ATRNL1: variants seen among roughly 807,000 people sequenced by gnomAD.
ATRNL1 encodes attractin like 1.
ATRNL1 carries 95 observed loss-of-function variants against 182.7 expected under a neutral mutation model. The observed-to-expected ratio is 0.52, with a 90% CI of 0.44 to 0.62. The LOEUF (loss-of-function observed/expected upper bound fraction) is 0.62. Ranked by LOEUF, ATRNL1 falls within the 20% of genes least tolerant of loss-of-function variation. The probability of loss-of-function intolerance (pLI) is 0.00; values close to 1 mark genes in which losing one functional copy is unlikely to be tolerated. For missense variants in ATRNL1, 1,471 were observed against 1,679.5 expected (o/e 0.88, Z 2.17); for synonymous variants, 576 against 568.3 (o/e 1.01, Z -0.19).
At chr10:115,285,678 T>C (rs1852575900) in intron 14 of ATRNL1, among the ~76,000 whole-genome samples, 1 of 152,054 alleles carries the variant, frequency 6.6e-6, no homozygotes, top group African/African-American at 2.4e-5. Flanking sequence ...AGATCATAGC[T>C]ACTTTACTAA....
chr10:115,374,854 C>A (rs563927358), intron 19 of ATRNL1, among the ~76,000 whole-genome samples: 1 of 151,976 alleles, frequency 6.6e-6, no homozygotes, highest in South Asian at 2.1e-4. Flanking sequence ...TGATTTCAGT[C>A]TTCTTGAATT....
intron 25 of ATRNL1, among the ~76,000 whole-genome samples, chr10:115,527,136 C>G (rs1216055476): frequency 6.7e-6 from 1 of 150,018 alleles, no homozygotes; most frequent in Non-Finnish European, 1.5e-5. Context: ...TTTTTCCCCC[C>G]CGAGATAGGG....
chr10:115,121,774 T>C lies in ATRNL1; in HGVS notation c.453T>C (p.Asp151=). The C allele has an allele frequency of 1.3e-6, 2 of 1,571,876 alleles. No homozygotes were observed. The highest frequency in any genetic ancestry group is 8.7e-7 in the Non-Finnish European group (1 of 1,155,412). ...ECSWDHMYVY[D]GDSIYAPLIA... ...GCTGGGATCATATGTATGTTTATGA[T>C]GGAGATTCAATATATGCACCTTTAA... Residue 151 remains aspartate, a synonymous_variant, in exon 3 of 29, where the codon GAT becomes GAC. Coordinates refer to ENST00000355044, the MANE Select transcript of ATRNL1 (RefSeq NM_207303.4).
Position 115,300,175 on chromosome 10 carries a change from G to A in ATRNL1, c.2557G>A (p.Ala853Thr), listed in dbSNP as rs782732694. Residue 853 changes from alanine to threonine, a missense_variant, in exon 16 of 29, where the codon GCT (alanine) becomes ACT (threonine). By Grantham distance (58) the Ala-to-Thr change is moderately conservative (BLOSUM62 0). Transcript: ENST00000355044. ...TGGGTTTTGTGCATATCTGGAAAGG[G>A]CTGCAGTGGCAGGCTTAAAAGCTAA... is the stretch of plus-strand genomic sequence containing the variant. Reference protein sequence around the residue: ...DSGFCAYLERAAVAGLKANPC... With the variant: ...DSGFCAYLERTAVAGLKANPC... 5 of 1,613,944 alleles carry A rather than the reference G, an allele frequency of 3.1e-6. No homozygotes were observed. In the South Asian group the frequency reaches 5.5e-5, roughly 18 times the overall value.
At chr10:115,515,622 T>C (rs1554983725) in intron 24 of ATRNL1, among the ~76,000 whole-genome samples, 4 of 151,972 alleles carry the variant, frequency 2.6e-5, no homozygotes, top group Non-Finnish European at 5.9e-5. Context: ...AAAAATATAT[T>C]TTAAATCATC....
Position 115,934,875 on chromosome 10 carries a change from C to A in ATRNL1, c.4019-9783C>A, listed in dbSNP as rs1326843325. Among the ~76,000 whole-genome samples, 4 of 152,306 alleles carry A rather than the reference C, an allele frequency of 2.6e-5. No individual in the cohort carries two copies. In the East Asian group the frequency reaches 5.8e-4, roughly 22 times the overall value. On this transcript the variant is annotated intron_variant, in intron 28 of 28. Coordinates refer to ENST00000355044, the MANE Select transcript of ATRNL1 (RefSeq NM_207303.4). ...ACCTCCTGTATTCTCTCTTACCATT[C>A]TCCCATTGTTCCATTTACAATGTAT... is the stretch of plus-strand genomic sequence containing the variant.
At chr10:115,275,683 A>C (rs925954381) in intron 13 of ATRNL1, among the ~76,000 whole-genome samples, 1 of 152,168 alleles carries the variant, frequency 6.6e-6, no homozygotes, top group East Asian at 1.9e-4. Flanking sequence ...GAAAACAGCA[A>C]TCATGGAGCT....
At chr10:115,222,889 A>G (rs77432077) in intron 9 of ATRNL1, among the ~76,000 whole-genome samples, 2,278 of 152,334 alleles carry the variant, frequency 0.015, 44 homozygotes, top group African/African-American at 0.051. Context: ...ACTATCATAT[A>G]AAGCTATAGT....
intron 10 of ATRNL1, among the ~76,000 whole-genome samples, chr10:115,263,639 A>G (rs2133875599): frequency 6.6e-6 from 1 of 151,904 alleles, no homozygotes; most frequent in East Asian, 1.9e-4. Context: ...TTTTATGTGT[A>G]CTTAATTTAT....
intron 26 of ATRNL1, among the ~76,000 whole-genome samples, chr10:115,587,365 C>A (rs142677566): frequency 0.47 from 71,703 of 151,136 alleles, 18,487 homozygotes; most frequent in East Asian, 0.84. Context: ...AGCCTCGCTG[C>A]CGCCTTGCAG....
chr10:115,813,288 G>T (rs1950089542), intron 27 of ATRNL1, among the ~76,000 whole-genome samples: 1 of 152,100 alleles, frequency 6.6e-6, no homozygotes, highest in Admixed American at 6.5e-5. Context: ...TGACATCCCT[G>T]CAGGGATATG....
At chr10:115,767,653 T>C (rs1200200941) in intron 27 of ATRNL1, among the ~76,000 whole-genome samples, 3 of 152,200 alleles carry the variant, frequency 2.0e-5, no homozygotes, top group Non-Finnish European at 4.4e-5. Flanking sequence ...AGAATTTTCT[T>C]CACCTGTTCC....
intron 20 of ATRNL1, among the ~76,000 whole-genome samples, chr10:115,415,259 T>C (rs1016462685): frequency 2.6e-4 from 40 of 152,096 alleles, no homozygotes; most frequent in African/African-American, 9.4e-4. Context: ...TGTGTAGTTT[T>C]AATTTATATT....
At chr10:115,487,499 A>G (rs1035568686) in intron 24 of ATRNL1, among the ~76,000 whole-genome samples, 17 of 152,058 alleles carry the variant, frequency 1.1e-4, no homozygotes, top group African/African-American at 4.1e-4. Flanking sequence ...TTCTCTTTGT[A>G]GTAATTGTGA....
chr10:115,898,900 A>C (rs1420871369), intron 28 of ATRNL1, among the ~76,000 whole-genome samples: 2 of 152,166 alleles, frequency 1.3e-5, no homozygotes, highest in Non-Finnish European at 2.9e-5. Context: ...ACAGCAGCAA[A>C]ACAGAATACA....
chr10:115,884,566 G>A (rs1186189154), intron 28 of ATRNL1, among the ~76,000 whole-genome samples: 3 of 152,178 alleles, frequency 2.0e-5, no homozygotes, highest in Admixed American at 6.5e-5. Flanking sequence ...TCGTTAATCT[G>A]TTGGGCTTCT....
intron 8 of ATRNL1, among the ~76,000 whole-genome samples, chr10:115,214,856 G>C (rs552311250): frequency 6.6e-6 from 1 of 152,208 alleles, no homozygotes; most frequent in Admixed American, 6.6e-5. Flanking sequence ...AGCAGAGTGG[G>C]ATTTTAATAT....
At position 115,361,477 on chromosome 10, in the gene ATRNL1, G is replaced by C. The variant is rs61882264; in HGVS notation, c.3175+27058G>C. Among the ~76,000 whole-genome samples the C allele has an allele frequency of 1.3e-4, 20 of 152,096 alleles. No homozygotes were observed. The East Asian group carries it at 3.9e-3, about 29-fold the overall frequency. On this transcript the variant is annotated intron_variant, in intron 19 of 28. Transcript: ENST00000355044. ...TCATTGTTTGTGGATCACCTCAGCA[G>C]ACAAACTAGAGAATACATGTATGTG...
chr10:115,833,596 G>A (rs184506290), intron 27 of ATRNL1, among the ~76,000 whole-genome samples: 15 of 152,024 alleles, frequency 9.9e-5, no homozygotes, highest in African/African-American at 2.2e-4. Context: ...CTTGCCCTAC[G>A]CCAGGCAGTA....
Sources: gnomAD v4.1 joint callset for allele counts (sites outside exome capture counted in the v4.1 genomes callset) on GRCh38, gnomAD v4.1.1 for gene constraint, MANE v1.5 for transcripts, NCBI Gene and HGNC (gene_info 2026-07-23, HGNC 2026-07-21) for gene names.